Variants in FGF14 observed in about 807,000 individuals in gnomAD.
The protein encoded by FGF14 is fibroblast growth factor homologous factor 4.
FGF14 carries 5 observed loss-of-function variants against 25.5 expected under a neutral mutation model. That is an observed-to-expected ratio of 0.20 (90% CI 0.10 to 0.41). The LOEUF (loss-of-function observed/expected upper bound fraction) is 0.41. Among genes scored for constraint, FGF14 ranks in the 10% least tolerant of loss-of-function variants. FGF14 has a pLI of 1.00. For missense variants in FGF14, 222 were observed against 320.1 expected, an observed-to-expected ratio of 0.69 and a Z score of 2.34; for synonymous variants, 138 against 118.3, an observed-to-expected ratio of 1.17 and a Z score of -1.08.
chr13:102,360,476 G>A lies in FGF14; in HGVS notation c.208+40995C>T, dbSNP rs1403854558. Among the ~76,000 whole-genome samples, 7 of 152,234 alleles carry A rather than the reference G, an allele frequency of 4.6e-5. No homozygotes were observed. In the East Asian group the frequency reaches 1.2e-3, roughly 25 times the overall value. On this transcript the variant is annotated intron_variant, in intron 1 of 4. Coordinates refer to the FGF14 transcript ENST00000376131. ...GAGCAGGTTAAAAAGAAATGACAGA[G>A]CTTGACTGTGTCCATTAAAAATTAA...
chr13:102,168,134 T>C (rs1262499157), intron 1 of FGF14, among the ~76,000 whole-genome samples: 2 of 152,166 alleles, frequency 1.3e-5, no homozygotes, highest in African/African-American at 4.8e-5. Context: ...TCATTAAACA[T>C]GAAAATTTAT....
At chr13:102,167,050 C>T (rs1412250400) in intron 1 of FGF14, among the ~76,000 whole-genome samples, 1 of 152,040 alleles carries the variant, frequency 6.6e-6, no homozygotes, top group Admixed American at 6.6e-5. Flanking sequence ...CCTGTAATCC[C>T]AGCACTTTGG....
At chr13:102,332,815 G>C (rs1324440863) in intron 1 of FGF14, among the ~76,000 whole-genome samples, 1 of 152,096 alleles carries the variant, frequency 6.6e-6, no homozygotes, top group Non-Finnish European at 1.5e-5. Flanking sequence ...AAGTTAGACA[G>C]CTCTAGTTTG....
chr13:102,072,274 G>T (rs2043184189), intron 1 of FGF14, among the ~76,000 whole-genome samples: 1 of 152,022 alleles, frequency 6.6e-6, no homozygotes, highest in South Asian at 2.1e-4. Flanking sequence ...GGGAAAATTG[G>T]GTCATTGATT....
At chr13:101,741,317 C>T (rs1043975359) in intron 3 of FGF14, among the ~76,000 whole-genome samples, 6 of 152,148 alleles carry the variant, frequency 3.9e-5, no homozygotes, top group Non-Finnish European at 8.8e-5. Context: ...GCCTGGCAGA[C>T]AGGGCAAGAC....
intron 1 of FGF14, among the ~76,000 whole-genome samples, chr13:102,339,304 A>G (rs2056882346): frequency 1.3e-5 from 2 of 152,066 alleles, no homozygotes; most frequent in African/African-American, 4.8e-5. Context: ...TAAAAAGACA[A>G]AGGACTCATA....
intron 1 of FGF14, among the ~76,000 whole-genome samples, chr13:102,193,080 C>A (rs1345508221): frequency 2.6e-5 from 4 of 152,146 alleles, no homozygotes; most frequent in Admixed American, 6.5e-5. Flanking sequence ...CTTCCTGGTA[C>A]CAAAATTAGT....
chr13:102,244,068 T>A (rs1434144336), intron 1 of FGF14, among the ~76,000 whole-genome samples: 4 of 152,060 alleles, frequency 2.6e-5, no homozygotes, highest in Admixed American at 1.3e-4. Context: ...TCCTTACCTA[T>A]GTGATTCCTT....
chr13:102,038,809 A>T (rs1248063715), intron 1 of FGF14, among the ~76,000 whole-genome samples: 2 of 152,096 alleles, frequency 1.3e-5, no homozygotes, highest in African/African-American at 2.4e-5. Flanking sequence ...TATTATATTG[A>T]AATTTTATTT....
At chr13:102,322,040 G>A (rs1379837853) in intron 1 of FGF14, among the ~76,000 whole-genome samples, 1 of 152,176 alleles carries the variant, frequency 6.6e-6, no homozygotes, top group African/African-American at 2.4e-5. Context: ...CCCAAACCCT[G>A]GAACACAAGG....
chr13:102,378,631 C>CTATCTATCTATATA (rs757841395), intron 1 of FGF14, among the ~76,000 whole-genome samples: 1 of 141,902 alleles, frequency 7.0e-6, no homozygotes, highest in East Asian at 2.1e-4. Context: ...ATCTATCTAT[C>CTATCTATCTATATA]TATATATATA....
intron 4 of FGF14, among the ~76,000 whole-genome samples, chr13:101,725,675 A>G (rs1003216264): frequency 1.3e-5 from 2 of 152,118 alleles, no homozygotes; most frequent in Admixed American, 6.6e-5. Flanking sequence ...TCCTGTAGGA[A>G]TAAAACACAA....
At chr13:101,993,674 C>T (rs1437994573) in intron 1 of FGF14, among the ~76,000 whole-genome samples, 1 of 151,886 alleles carries the variant, frequency 6.6e-6, no homozygotes, top group East Asian at 1.9e-4. Flanking sequence ...AACTCCTTAG[C>T]AATCACTAAC....
chr13:102,206,977 T>A (rs1217101067), intron 1 of FGF14, among the ~76,000 whole-genome samples: 1 of 151,942 alleles, frequency 6.6e-6, no homozygotes, highest in Non-Finnish European at 1.5e-5. Flanking sequence ...GATAAAAAGG[T>A]CAGAAACAAG....
chr13:102,094,084 G>A (rs1389024913), intron 1 of FGF14, among the ~76,000 whole-genome samples: 1 of 144,810 alleles, frequency 6.9e-6, no homozygotes, highest in Non-Finnish European at 1.5e-5. Flanking sequence ...GGAGAGGAGA[G>A]GAGAGAAGAC....
intron 1 of FGF14, among the ~76,000 whole-genome samples, chr13:102,301,257 G>T (rs976329572): frequency 1.3e-5 from 2 of 152,072 alleles, no homozygotes; most frequent in Non-Finnish European, 2.9e-5. Context: ...ATAATCAAAA[G>T]CAGCATTTTG....
At chr13:102,183,384 A>G (rs1333197701) in intron 1 of FGF14, among the ~76,000 whole-genome samples, 1 of 152,200 alleles carries the variant, frequency 6.6e-6, no homozygotes, top group African/African-American at 2.4e-5. Flanking sequence ...TTAAGAGAGC[A>G]TAAATCAATT....
At chr13:102,079,769 T>A (rs1354547185) in intron 1 of FGF14, among the ~76,000 whole-genome samples, 1 of 152,154 alleles carries the variant, frequency 6.6e-6, no homozygotes, top group Non-Finnish European at 1.5e-5. Flanking sequence ...TAGATAGATG[T>A]GTCAACATAT....
Position 101,714,614 on chromosome 13 carries a change from C to T in FGF14, c.*8217G>A, listed in dbSNP as rs776451516. ...GTTTGTTATAGAGCCAAGAGACACT[C>T]GTCATGCAATGCTTTAGGTGGCTGG... On this transcript the variant is annotated 3_prime_UTR_variant, in exon 5 of 5. Coordinates refer to ENST00000376143, the MANE Select transcript of FGF14 (RefSeq NM_004115.4). 184 of 980,406 alleles carry T rather than the reference C, an allele frequency of 1.9e-4. No individual in the cohort carries two copies. Among genetic ancestry groups the T allele is most frequent in the Admixed American group, 2.0e-4 (12 of 58,832 alleles). The allele number at this position is 980,406 out of a possible 1,614,324, so 60.7% of individuals were successfully genotyped here. A position where few individuals can be genotyped will look rare whatever the true frequency, so the allele number is the denominator to read the frequency against.
Sources: allele counts gnomAD v4.1 joint callset (sites outside exome capture counted in the v4.1 genomes callset), GRCh38; gene constraint gnomAD v4.1.1; transcripts MANE v1.5; gene names NCBI Gene and HGNC (gene_info 2026-07-23, HGNC 2026-07-21).